MOB1B: variants seen among roughly 807,000 people sequenced by gnomAD.
MOB1B encodes the protein MOB kinase activator 1B, also known as MOB1 Mps One Binder homolog B.
MOB1B carries 19 observed loss-of-function variants against 24.4 expected under a neutral mutation model. The ratio of observed to expected loss-of-function variants is 0.78; its 90% CI spans 0.54 to 1.14. MOB1B has a LOEUF of 1.14. Among genes scored for constraint, MOB1B ranks in the 50% most tolerant of loss-of-function variants. The pLI, the probability that MOB1B is intolerant of heterozygous loss-of-function variation, is 0.00. For synonymous variants in MOB1B, 76 were observed against 82.1 expected (o/e 0.93, Z 0.40); for missense variants, 243 against 259.6 (o/e 0.94, Z 0.44).
chr4:70,902,834 C>G (rs889300458), intron 1 of MOB1B, among the ~76,000 whole-genome samples: 1 of 152,230 alleles, frequency 6.6e-6, no homozygotes, highest in Non-Finnish European at 1.5e-5. Flanking sequence ...TCATCACCCC[C>G]GTCTCTGCCT....
intron 1 of MOB1B, chr4:70,950,828 G>A (rs1321831853): frequency 6.7e-6 from 9 of 1,346,726 alleles, no homozygotes; most frequent in East Asian, 2.5e-5. Context: ...ACCTAGAGGC[G>A]GAGCAGAGAG....
Position 70,902,438 on chromosome 4 carries a change from T to C in MOB1B, c.-99T>C. ...GGCTCTCGGCACCTCCTCCTCCGCCTCCCTGTCTCCTGTTCCATTCGCCTT... is the reference window on the plus strand; with the variant it reads ...GGCTCTCGGCACCTCCTCCTCCGCCCCCCTGTCTCCTGTTCCATTCGCCTT... On this transcript the variant is annotated 5_prime_UTR_variant, in exon 1 of 6. Transcript: ENST00000309395. 7.5e-7 allele frequency: 1 copy of C among 1,334,996 alleles called. No homozygotes were observed. The highest frequency in any genetic ancestry group is 1.1e-6 in the Non-Finnish European group (1 of 951,068). 82.7% of individuals were successfully genotyped at this position (1,334,996 alleles called of 1,614,324 possible). A position where few individuals can be genotyped will look rare whatever the true frequency, so the allele number is the denominator to read the frequency against.
rs1739282189 is a variant in MOB1B at position 70,983,501 on chromosome 4, A to C, written c.*1444A>C. The C allele has an allele frequency of 6.6e-6, 1 of 152,198 alleles. No individual in the cohort carries two copies. 9.4% of individuals were successfully genotyped at this position (152,198 alleles called of 1,614,324 possible). On this transcript the variant is annotated 3_prime_UTR_variant, in exon 6 of 6. Coordinates refer to ENST00000309395, the MANE Select transcript of MOB1B (RefSeq NM_173468.4). ...TTTTCCACTTCAGTTTTATTCTAGAAAATACCCTTTTTAGAAATCCAGTTT... is the reference window on the plus strand; with the variant it reads ...TTTTCCACTTCAGTTTTATTCTAGACAATACCCTTTTTAGAAATCCAGTTT...
intron 1 of MOB1B, among the ~76,000 whole-genome samples, chr4:70,949,806 A>G (rs1737726861): frequency 6.6e-6 from 1 of 152,004 alleles, no homozygotes; most frequent in Non-Finnish European, 1.5e-5. Context: ...CCGAGGTGGA[A>G]GGCTAAGGTA....
At chr4:70,974,861 A>G (rs894067189) in intron 3 of MOB1B, among the ~76,000 whole-genome samples, 2 of 152,212 alleles carry the variant, frequency 1.3e-5, no homozygotes, top group African/African-American at 2.4e-5. Context: ...TAGTTTTTCT[A>G]CTACAATAAT....
chr4:70,916,559 C>A (rs1381800132), intron 1 of MOB1B, among the ~76,000 whole-genome samples: 1 of 152,242 alleles, frequency 6.6e-6, no homozygotes, highest in East Asian at 1.9e-4. Context: ...TTGTTAATCC[C>A]CTGCCACTGA....
rs150188326 is a variant in MOB1B, at chr4:70,969,259, T to C, written c.182-672T>C. On this transcript the variant is annotated intron_variant, in intron 2 of 5. Transcript: ENST00000309395. ...AATCCTCCCACCTCACCCTCCTGTGTAGCTGGAACCACAGGCATGCACCAC... is the reference window on the plus strand; with the variant it reads ...AATCCTCCCACCTCACCCTCCTGTGCAGCTGGAACCACAGGCATGCACCAC... Among the ~76,000 whole-genome samples the C allele has an allele frequency of 1.1e-4, 16 of 152,284 alleles. 1 individual carries two copies. The highest frequency in any genetic ancestry group is 3.6e-4 in the African/African-American group (15 of 41,558).
intron 1 of MOB1B, among the ~76,000 whole-genome samples, chr4:70,957,546 GGCTTCA>G (rs1738118494): frequency 1.3e-5 from 2 of 150,924 alleles, no homozygotes; most frequent in South Asian, 4.2e-4. Flanking sequence ...GCTATCCTTT[GGCTTCA>G]GCCTCCTTAG....
At chr4:70,958,656 A>G (rs537300740) in intron 1 of MOB1B, 16 of 653,224 alleles carry the variant, frequency 2.4e-5, no homozygotes, top group South Asian at 2.0e-4. Context: ...ATTTATTGAG[A>G]AGAGGTGTTA....
chr4:70,924,378 C>CT (rs1469826647), intron 1 of MOB1B, among the ~76,000 whole-genome samples: 1 of 152,180 alleles, frequency 6.6e-6, no homozygotes, highest in African/African-American at 2.4e-5. Context: ...GCTGCAGTGA[C>CT]TTTGACTCTT....
At chr4:70,964,446 CT>C (rs1480138243) in intron 2 of MOB1B, among the ~76,000 whole-genome samples, 37 of 152,106 alleles carry the variant, frequency 2.4e-4, no homozygotes, top group African/African-American at 8.4e-4. Context: ...ATATTTTGAA[CT>C]GAAATTTGGT....
rs899053515 is a variant in MOB1B, at chr4:70,964,930, C to CA, written c.182-4986dup. ...AGGCAACAAGAGTGAAACTCCGTCT[C>CA]AAAAAAAAAAAAAAAGTTAAAAGAG... On this transcript the variant is annotated intron_variant, in intron 2 of 5. Coordinates refer to ENST00000309395, the MANE Select transcript of MOB1B (RefSeq NM_173468.4). Among the ~76,000 whole-genome samples the CA allele has an allele frequency of 4.6e-3, 392 of 84,342 alleles. 2 individuals carry two copies. The highest frequency in any genetic ancestry group is 9.7e-3 in the African/African-American group (215 of 22,148). The allele number at this position is 84,342 out of a possible 152,430, so 55.3% of individuals were successfully genotyped here. A position where few individuals can be genotyped will look rare whatever the true frequency, so the allele number is the denominator to read the frequency against.
At chr4:70,924,994 C>T (rs767032495) in intron 1 of MOB1B, among the ~76,000 whole-genome samples, 3 of 152,158 alleles carry the variant, frequency 2.0e-5, no homozygotes, top group Non-Finnish European at 4.4e-5. Context: ...AACAGCTAGA[C>T]ATTTGGGAAC....
intron 1 of MOB1B, 25 bp from the exon 2 acceptor site, chr4:70,958,849 C>CTTTTT (rs201154218): frequency 2.2e-5 from 34 of 1,553,946 alleles, no homozygotes; most frequent in Middle Eastern, 1.7e-4. Context: ...ATATTAAACC[C>CTTTTT]TTTTTTTTTC....
At chr4:70,929,561 G>T (rs1223565460) in intron 1 of MOB1B, among the ~76,000 whole-genome samples, 4 of 151,926 alleles carry the variant, frequency 2.6e-5, no homozygotes, top group African/African-American at 9.7e-5. Context: ...GCTTATTGTG[G>T]CCTCCACCTC....
At chr4:70,980,528 C>G (rs1739169548) in intron 5 of MOB1B, among the ~76,000 whole-genome samples, 1 of 152,104 alleles carries the variant, frequency 6.6e-6, no homozygotes, top group Admixed American at 6.5e-5. Context: ...AAAGGTAGGT[C>G]CATTATACAG....
chr4:70,928,605 A>C (rs750488516), intron 1 of MOB1B, among the ~76,000 whole-genome samples: 12 of 152,052 alleles, frequency 7.9e-5, no homozygotes, highest in Non-Finnish European at 1.5e-4. Context: ...GACATTTTCA[A>C]GAATTTCATC....
chr4:70,970,100 C>T, intron 3 of MOB1B, 76 bp downstream of exon 3: 1 of 851,840 alleles, frequency 1.2e-6, no homozygotes, highest in Non-Finnish European at 1.9e-6. Flanking sequence ...AGTTTCTGAC[C>T]ATATGATTTT....
intron 1 of MOB1B, among the ~76,000 whole-genome samples, chr4:70,913,633 G>A (rs1465961327): frequency 6.6e-6 from 1 of 152,030 alleles, no homozygotes; most frequent in Non-Finnish European, 1.5e-5. Context: ...TGCATATAGT[G>A]TCTATTTGTC....
Sources: allele counts gnomAD v4.1 joint callset (sites outside exome capture counted in the v4.1 genomes callset), GRCh38; gene constraint gnomAD v4.1.1; transcripts MANE v1.5; gene names NCBI Gene and HGNC (gene_info 2026-07-23, HGNC 2026-07-21).